Variants in TACR3 observed in about 807,000 individuals in gnomAD.
The protein encoded by TACR3 is neuromedin-K receptor.
TACR3 carries 34 observed loss-of-function variants against 35.0 expected under a neutral mutation model. The ratio of observed to expected loss-of-function variants is 0.97; its 90% CI spans 0.74 to 1.30. The LOEUF is 1.30. Ranked by LOEUF, TACR3 falls within the 50% of genes most tolerant of loss-of-function variation. The probability of loss-of-function intolerance (pLI) is 0.00; values close to 1 mark genes in which losing one functional copy is unlikely to be tolerated. For synonymous variants in TACR3, 233 were observed against 221.1 expected, an observed-to-expected ratio of 1.05 and a Z score of -0.48; for missense variants, 558 against 591.7, an observed-to-expected ratio of 0.94 and a Z score of 0.59.
intron 1 of TACR3, among the ~76,000 whole-genome samples, chr4:103,714,844 C>T (rs1406392198): frequency 1.3e-5 from 2 of 151,994 alleles, no homozygotes; most frequent in Non-Finnish European, 2.9e-5. Context: ...TAGATTAAGA[C>T]CTCAGTATTT....
intron 1 of TACR3, among the ~76,000 whole-genome samples, chr4:103,712,122 T>C (rs532613456): frequency 1.2e-4 from 19 of 152,310 alleles, no homozygotes; most frequent in Non-Finnish European, 2.2e-4. Context: ...AATGACTTTC[T>C]TCACAGAATT....
chr4:103,620,602 G>T (rs1724753582), intron 3 of TACR3, among the ~76,000 whole-genome samples: 1 of 152,140 alleles, frequency 6.6e-6, no homozygotes, highest in Non-Finnish European at 1.5e-5. Context: ...GCAGGGACAT[G>T]GATGATCCCG....
At chr4:103,707,504 A>C (rs1244611742) in intron 1 of TACR3, among the ~76,000 whole-genome samples, 2 of 152,162 alleles carry the variant, frequency 1.3e-5, no homozygotes, top group Non-Finnish European at 2.9e-5. Context: ...ATAATTCAGA[A>C]GAAAATCAAT....
intron 3 of TACR3, among the ~76,000 whole-genome samples, chr4:103,640,665 T>C (rs1441983994): frequency 1.3e-5 from 2 of 151,996 alleles, no homozygotes; most frequent in African/African-American, 4.8e-5. Context: ...GCCCACAGGC[T>C]GCATGTGGCC....
intron 1 of TACR3, among the ~76,000 whole-genome samples, chr4:103,685,935 A>G (rs574059340): frequency 6.6e-6 from 1 of 152,232 alleles, no homozygotes; most frequent in South Asian, 2.1e-4. Flanking sequence ...GCCGTATTGG[A>G]GGGGGCTGAC....
intron 1 of TACR3, among the ~76,000 whole-genome samples, chr4:103,664,200 C>T (rs1307884483): frequency 6.6e-6 from 1 of 152,170 alleles, no homozygotes; most frequent in African/African-American, 2.4e-5. Flanking sequence ...TTCCTTTCCA[C>T]TCTAATACTA....
chr4:103,616,100 G>A (rs1163510359), intron 3 of TACR3, among the ~76,000 whole-genome samples: 1 of 152,138 alleles, frequency 6.6e-6, no homozygotes, highest in Non-Finnish European at 1.5e-5. Context: ...AGAAATTCAT[G>A]ACCTGTGCTA....
At chr4:103,676,104 T>A (rs1726164759) in intron 1 of TACR3, among the ~76,000 whole-genome samples, 1 of 152,184 alleles carries the variant, frequency 6.6e-6, no homozygotes, top group African/African-American at 2.4e-5. Flanking sequence ...TTGTTCTAAA[T>A]GAGCTACGAG....
chr4:103,690,571 A>G (rs1018873905), intron 1 of TACR3, among the ~76,000 whole-genome samples: 2 of 152,134 alleles, frequency 1.3e-5, no homozygotes, highest in African/African-American at 4.8e-5. Context: ...CACTTTTACT[A>G]ATAGAAGAAT....
chr4:103,621,715 G>T (rs1389919041), intron 3 of TACR3, among the ~76,000 whole-genome samples: 1 of 152,094 alleles, frequency 6.6e-6, no homozygotes, highest in Admixed American at 6.5e-5. Context: ...TCTATAAAAT[G>T]GAAACAGGCA....
intron 1 of TACR3, among the ~76,000 whole-genome samples, chr4:103,704,540 G>A (rs1191015152): frequency 2.0e-5 from 3 of 152,160 alleles, no homozygotes; most frequent in African/African-American, 7.2e-5. Flanking sequence ...ATGGTGGCAG[G>A]TGAGACAGAG....
At chr4:103,630,738 G>GTAAAT (rs1483571893) in intron 3 of TACR3, among the ~76,000 whole-genome samples, 2 of 152,166 alleles carry the variant, frequency 1.3e-5, no homozygotes, top group Non-Finnish European at 2.9e-5. Flanking sequence ...TGGTGGGAGT[G>GTAAAT]TAAATTAGTT....
At chr4:103,712,727 T>A (rs993549041) in intron 1 of TACR3, among the ~76,000 whole-genome samples, 9 of 152,216 alleles carry the variant, frequency 5.9e-5, no homozygotes, top group Admixed American at 2.0e-4. Context: ...TCTACTCATC[T>A]GACAAAGGGC....
intron 1 of TACR3, among the ~76,000 whole-genome samples, chr4:103,713,079 G>T (rs745587378): frequency 6.6e-6 from 1 of 152,168 alleles, no homozygotes; most frequent in South Asian, 2.1e-4. Flanking sequence ...ATTCCTCAAG[G>T]ATCTATAACT....
At position 103,708,237 on chromosome 4, in the gene TACR3, T is replaced by A. The variant is rs192372391; in HGVS notation, c.548+10891A>T. The stretch of plus-strand genomic sequence containing the variant: ...GTCCTTGACCCCTGAGTAGCCTAAA[T>A]GGGAGGTACCCCTCCAGTAGGGGCA... On this transcript the variant is annotated intron_variant, in intron 1 of 4. Transcript: ENST00000304883. 2.5e-3 allele frequency among the ~76,000 whole-genome samples: 381 copies of A among 152,296 alleles called. 3 individuals are homozygous for A. The highest frequency in any genetic ancestry group is 8.7e-3 in the African/African-American group (361 of 41,554).
At chr4:103,715,266 A>C (rs1344847570) in intron 1 of TACR3, among the ~76,000 whole-genome samples, 1 of 152,122 alleles carries the variant, frequency 6.6e-6, no homozygotes, top group Non-Finnish European at 1.5e-5. Context: ...CATGGGGTGG[A>C]TCTTTCATGA....
At chr4:103,613,522 T>A (rs1381604827) in intron 3 of TACR3, among the ~76,000 whole-genome samples, 2 of 150,840 alleles carry the variant, frequency 1.3e-5, no homozygotes, top group African/African-American at 4.9e-5. Flanking sequence ...GGAGACGGGG[T>A]TTCACTATAT....
intron 3 of TACR3, among the ~76,000 whole-genome samples, chr4:103,621,539 A>G (rs1188067818): frequency 6.6e-6 from 1 of 152,236 alleles, no homozygotes; most frequent in Non-Finnish European, 1.5e-5. Flanking sequence ...GTAGTTCTAA[A>G]CAAGAATGGA....
chr4:103,620,742 C>A (rs1459805136), intron 3 of TACR3, among the ~76,000 whole-genome samples: 1 of 151,942 alleles, frequency 6.6e-6, no homozygotes, highest in East Asian at 1.9e-4. Flanking sequence ...TCGTGGACTA[C>A]TGGAGGGTGG....
Sources: gnomAD v4.1 joint callset for allele counts (sites outside exome capture counted in the v4.1 genomes callset) on GRCh38, gnomAD v4.1.1 for gene constraint, MANE v1.5 for transcripts, NCBI Gene and HGNC (gene_info 2026-07-23, HGNC 2026-07-21) for gene names.